Variants in RPS6KA2 observed in about 807,000 individuals in gnomAD.
The protein encoded by RPS6KA2 is ribosomal protein S6 kinase alpha-2.
RPS6KA2 carries 42 observed loss-of-function variants against 91.8 expected under a neutral mutation model. The ratio of observed to expected loss-of-function variants is 0.46; its 90% confidence interval spans 0.36 to 0.59. RPS6KA2 has a LOEUF of 0.59. Among genes scored for constraint, RPS6KA2 ranks in the 20% least tolerant of loss-of-function variants. The pLI, the probability that RPS6KA2 is intolerant of heterozygous loss-of-function variation, is 0.00. For missense variants in RPS6KA2, 798 were observed against 978.5 expected (o/e 0.82, Z 2.46); for synonymous variants, 414 against 393.6 (o/e 1.05, Z -0.61).
intron 1 of RPS6KA2, among the ~76,000 whole-genome samples, chr6:166,604,093 C>T (rs138998104): frequency 6.6e-6 from 1 of 152,280 alleles, no homozygotes; most frequent in East Asian, 1.9e-4. Context: ...TGGAAAAGCT[C>T]CAGAGAAGGT....
chr6:166,503,505 A>C (rs1782093257), intron 6 of RPS6KA2, among the ~76,000 whole-genome samples: 1 of 152,194 alleles, frequency 6.6e-6, no homozygotes, highest in African/African-American at 2.4e-5. Flanking sequence ...CCTTGGTCTT[A>C]GCTCACAGGC....
intron 3 of RPS6KA2, among the ~76,000 whole-genome samples, chr6:166,522,231 A>T (rs1206268864): frequency 6.6e-6 from 1 of 152,238 alleles, no homozygotes; most frequent in African/African-American, 2.4e-5. Flanking sequence ...TACAAAAGAA[A>T]ATTAAGGTTA....
In RPS6KA2 at chr6:166,455,319, G is replaced by A. The variant is rs1046633245; in HGVS notation, c.1076-4086C>T. On this transcript the variant is annotated intron_variant, in intron 12 of 20. Transcript: ENST00000265678. Reference sequence around the variant, plus strand: ...AAGCCCAGGAGCCGGGCCCCACGCCGCGTGGGCCTCTGGTGCAAGCGGGGG... The same window carrying A: ...AAGCCCAGGAGCCGGGCCCCACGCCACGTGGGCCTCTGGTGCAAGCGGGGG... Among the ~76,000 whole-genome samples the A allele has an allele frequency of 4.6e-5, 7 of 152,248 alleles. No individual in the cohort carries two copies. In the South Asian group the frequency reaches 1.0e-3, roughly 23 times the overall value.
In RPS6KA2 at chr6:166,646,141, G is replaced by A. The variant is rs143137764; in HGVS notation, c.124-107357C>T. Among the ~76,000 whole-genome samples, 601 of 152,270 alleles carry A rather than the reference G, an allele frequency of 3.9e-3. 8 individuals carry two copies. The highest frequency in any genetic ancestry group is 0.031 in the Middle Eastern group (9 of 294). On this transcript the variant is annotated intron_variant, in intron 2 of 21. Coordinates refer to the RPS6KA2 transcript ENST00000503859. ...CTGAGCACTGAACCCATGACCCAGGGGTGGCTTGGTTTCCTTAAACTTAGT... is the reference window on the plus strand; with the variant it reads ...CTGAGCACTGAACCCATGACCCAGGAGTGGCTTGGTTTCCTTAAACTTAGT...
chr6:166,696,132 A>G (rs900964895), intron 2 of RPS6KA2, among the ~76,000 whole-genome samples: 1 of 152,148 alleles, frequency 6.6e-6, no homozygotes, highest in Admixed American at 6.5e-5. Context: ...TAGGCTGCAC[A>G]GCAACTGACT....
chr6:166,846,207 G>A (rs9356524), intron 2 of RPS6KA2, among the ~76,000 whole-genome samples: 80,818 of 150,994 alleles, frequency 0.54, 24,226 homozygotes, highest in Middle Eastern at 0.73. Context: ...CAAGATTGAA[G>A]TGGTAATTTT....
intron 1 of RPS6KA2, among the ~76,000 whole-genome samples, chr6:166,571,357 C>T (rs938784159): frequency 5.3e-5 from 8 of 152,142 alleles, no homozygotes; most frequent in East Asian, 1.9e-4. Context: ...TGCTGCTTCC[C>T]GAACAGCAAA....
At chr6:166,826,639 C>T (rs1475689256) in intron 2 of RPS6KA2, among the ~76,000 whole-genome samples, 1 of 152,226 alleles carries the variant, frequency 6.6e-6, no homozygotes, top group Non-Finnish European at 1.5e-5. Flanking sequence ...TTAAGCTAGG[C>T]TTACCATAGC....
At chr6:166,698,378 G>A (rs1210947334) in intron 2 of RPS6KA2, among the ~76,000 whole-genome samples, 1 of 152,220 alleles carries the variant, frequency 6.6e-6, no homozygotes, top group Admixed American at 6.5e-5. Context: ...AACCTCTGGA[G>A]AGAATGCTGG....
intron 1 of RPS6KA2, among the ~76,000 whole-genome samples, chr6:166,558,339 G>C (rs1583277866): frequency 6.6e-6 from 1 of 152,154 alleles, no homozygotes; most frequent in African/African-American, 2.4e-5. Context: ...TTGGGACAGG[G>C]CCAGCCCCTT....
At chr6:166,529,203 A>T (rs1749588526) in intron 3 of RPS6KA2, among the ~76,000 whole-genome samples, 1 of 152,264 alleles carries the variant, frequency 6.6e-6, no homozygotes, top group Non-Finnish European at 1.5e-5. Flanking sequence ...TGGATTAAGA[A>T]AATGTGGCAC....
chr6:166,671,615 G>T (rs1354626583), intron 2 of RPS6KA2, among the ~76,000 whole-genome samples: 1 of 152,206 alleles, frequency 6.6e-6, no homozygotes, highest in Non-Finnish European at 1.5e-5. Context: ...GGCAAGGTCA[G>T]CAATCTGACA....
chr6:166,549,569 T>C (rs549114188), intron 1 of RPS6KA2, among the ~76,000 whole-genome samples: 1 of 152,342 alleles, frequency 6.6e-6, no homozygotes, highest in Non-Finnish European at 1.5e-5. Context: ...ATACAATGTA[T>C]GATTCCATTT....
intron 16 of RPS6KA2, among the ~76,000 whole-genome samples, chr6:166,428,283 C>T (rs1389163168): frequency 3.3e-5 from 5 of 149,922 alleles, no homozygotes; most frequent in African/African-American, 1.2e-4. Flanking sequence ...CCCTTCCTTA[C>T]ACCTTATACA....
chr6:166,634,803 T>C (rs1787183698), intron 2 of RPS6KA2, among the ~76,000 whole-genome samples: 1 of 152,164 alleles, frequency 6.6e-6, no homozygotes, highest in Admixed American at 6.5e-5. Context: ...GGTTTTGCCA[T>C]GTTGACCAGG....
chr6:166,717,651 G>A (rs1274985358), intron 2 of RPS6KA2, among the ~76,000 whole-genome samples: 4 of 152,156 alleles, frequency 2.6e-5, no homozygotes, highest in South Asian at 2.1e-4. Flanking sequence ...CATCCAGGGC[G>A]AGTTTTAGAT....
chr6:166,596,300 G>C (rs923107370), intron 1 of RPS6KA2, among the ~76,000 whole-genome samples: 1 of 152,186 alleles, frequency 6.6e-6, no homozygotes, highest in African/African-American at 2.4e-5. Context: ...GCAAAGTATT[G>C]TTCCTGGGTG....
intron 2 of RPS6KA2, among the ~76,000 whole-genome samples, chr6:166,679,163 A>T (rs1037650769): frequency 6.6e-6 from 1 of 152,186 alleles, no homozygotes; most frequent in African/African-American, 2.4e-5. Context: ...AAAAAATAAT[A>T]AATATTGTCA....
intron 1 of RPS6KA2, among the ~76,000 whole-genome samples, chr6:166,595,700 T>C (rs566304141): frequency 6.6e-6 from 1 of 152,340 alleles, no homozygotes; most frequent in East Asian, 1.9e-4. Context: ...GAGAATCCAG[T>C]CTAATGTTAA....
Sources: gnomAD v4.1 joint callset for allele counts (sites outside exome capture counted in the v4.1 genomes callset) on GRCh38, gnomAD v4.1.1 for gene constraint, MANE v1.5 for transcripts, NCBI Gene and HGNC (gene_info 2026-07-23, HGNC 2026-07-21) for gene names.